Variants in EMC8 observed in about 807,000 individuals in gnomAD.
EMC8 encodes the protein ER membrane protein complex subunit 8.
In EMC8, 11 loss-of-function variants were observed where a neutral mutation model predicts 24.3. That is an observed-to-expected ratio of 0.45 (90% CI 0.28 to 0.75). EMC8 has a LOEUF of 0.75. Among genes scored for constraint, EMC8 ranks in the 30% least tolerant of loss-of-function variants. The pLI is 0.12. For synonymous variants in EMC8, 145 were observed against 117.7 expected, an observed-to-expected ratio of 1.23 and a Z score of -1.50; for missense variants, 277 against 282.7, an observed-to-expected ratio of 0.98 and a Z score of 0.14.
At chr16:85,797,514 T>C (rs1026154242) in intron 1 of EMC8, among the ~76,000 whole-genome samples, 7 of 152,200 alleles carry the variant, frequency 4.6e-5, no homozygotes, top group African/African-American at 1.7e-4. Context: ...CTAAAATACT[T>C]AGTTTTATAA....
At chr16:85,782,736 G>A (rs1009359872) in intron 2 of EMC8, among the ~76,000 whole-genome samples, 1 of 152,018 alleles carries the variant, frequency 6.6e-6, no homozygotes, top group Non-Finnish European at 1.5e-5. Flanking sequence ...ACTGCCTGAT[G>A]GCCCCAAGAC....
intron 1 of EMC8, chr16:85,798,507 A>G (rs561517226): frequency 6.6e-6 from 1 of 152,536 alleles, no homozygotes; most frequent in Admixed American, 6.5e-5. Context: ...CTCTTTACAC[A>G]AAGCTCAGGC....
At chr16:85,783,889 G>T (rs770214508) in intron 2 of EMC8, among the ~76,000 whole-genome samples, 3 of 152,186 alleles carry the variant, frequency 2.0e-5, no homozygotes, top group Non-Finnish European at 4.4e-5. Flanking sequence ...TTTCTAAGAG[G>T]CTCTAACACA....
intron 1 of EMC8, among the ~76,000 whole-genome samples, chr16:85,791,811 C>A (rs1242448073): frequency 3.9e-5 from 6 of 152,184 alleles, no homozygotes; most frequent in Non-Finnish European, 7.3e-5. Flanking sequence ...CCTGCCTCCC[C>A]TTTACAAAGG....
At chr16:85,789,255 C>T (rs1213759400) in intron 1 of EMC8, among the ~76,000 whole-genome samples, 1 of 152,174 alleles carries the variant, frequency 6.6e-6, no homozygotes, top group African/African-American at 2.4e-5. Flanking sequence ...TGACTATCTT[C>T]CTCAGTCCCA....
intron 2 of EMC8, among the ~76,000 whole-genome samples, chr16:85,787,185 G>A (rs1016866651): frequency 6.6e-5 from 10 of 152,278 alleles, no homozygotes; most frequent in East Asian, 1.9e-4. Flanking sequence ...ATGTGGGCAC[G>A]GCCCCAGCCC....
At chr16:85,785,615 G>A (rs1163796613) in intron 2 of EMC8, among the ~76,000 whole-genome samples, 2 of 152,188 alleles carry the variant, frequency 1.3e-5, no homozygotes, top group Non-Finnish European at 2.9e-5. Flanking sequence ...TTAATGAACT[G>A]TCAAAGTATT....
At chr16:85,797,405 T>C (rs1380708091) in intron 1 of EMC8, among the ~76,000 whole-genome samples, 4 of 151,886 alleles carry the variant, frequency 2.6e-5, no homozygotes, top group Admixed American at 2.6e-4. Context: ...CGAAACTCCA[T>C]CTCAAAAAAA....
At chr16:85,795,479 G>A (rs1476813369) in intron 1 of EMC8, among the ~76,000 whole-genome samples, 2 of 152,136 alleles carry the variant, frequency 1.3e-5, no homozygotes, top group Non-Finnish European at 2.9e-5. Context: ...GGGGCGCTAG[G>A]ACCCCACCTT....
intron 3 of EMC8, chr16:85,780,907 C>T (rs912467883): frequency 1.5e-5 from 7 of 479,622 alleles, no homozygotes; most frequent in Non-Finnish European, 2.7e-5. Flanking sequence ...CTGGGCTAAA[C>T]CCCCGCATTT....
intron 1 of EMC8, among the ~76,000 whole-genome samples, chr16:85,789,355 C>G (rs888606547): frequency 3.3e-5 from 5 of 152,166 alleles, no homozygotes; most frequent in African/African-American, 1.2e-4. Flanking sequence ...TTCTCTTATA[C>G]TATAAAGAAC....
rs1270241667 is a variant in EMC8 at position 85,799,122 on chromosome 16, G to T, written c.174C>A (p.Ile58=). ...GAHHTLFVDC[I]PLFHGTLALA... is the part of the protein sequence containing the mutation. ...GGGCCAGGGTGCCGTGGAAGAGGGG[G>T]ATGCAGTCCACGAAGAGGGTGTGGT... The change falls in exon 1 of 5, where the codon ATC becomes ATA. Residue 58 remains isoleucine, a synonymous_variant. Transcript: ENST00000253457. The surrounding 1 kb of genome is among the most constrained non-coding windows in gnomAD (Gnocchi z 4.2). 6.3e-7 allele frequency: 1 copy of T among 1,593,168 alleles called. No individual in the cohort carries two copies.
chr16:85,791,355 GGTTT>G (rs1348379057), intron 1 of EMC8, among the ~76,000 whole-genome samples: 1 of 152,110 alleles, frequency 6.6e-6, no homozygotes, highest in Non-Finnish European at 1.5e-5. Flanking sequence ...AGAATATGCA[GGTTT>G]GTTACATAGG....
intron 2 of EMC8, chr16:85,784,483 G>A (rs1313961095): frequency 6.6e-6 from 1 of 152,202 alleles, no homozygotes; most frequent in Non-Finnish European, 1.5e-5. Flanking sequence ...GTGATGTACT[G>A]ATTATAAATC....
intron 2 of EMC8, 104 bp from the exon 3 acceptor site, chr16:85,781,384 C>A: frequency 1.2e-6 from 1 of 806,842 alleles, no homozygotes; most frequent in Admixed American, 2.0e-5. Flanking sequence ...GACAGAAAGA[C>A]TGGCAGAGCC....
Position 85,779,582 on chromosome 16 carries a change from C to A in EMC8, c.*126G>T. On this transcript the variant is annotated 3_prime_UTR_variant, in exon 5 of 5. Transcript: ENST00000253457. Reference sequence around the variant, plus strand: ...CTGAACATTCTGCCCCCTTTCAAGGCACATGCCACTTCTTAAAACGGTCAG... The same window carrying A: ...CTGAACATTCTGCCCCCTTTCAAGGAACATGCCACTTCTTAAAACGGTCAG... 1 of 965,714 alleles carries A rather than the reference C, an allele frequency of 1.0e-6. No homozygotes were observed. The highest frequency in any genetic ancestry group is 1.6e-6 in the Non-Finnish European group (1 of 631,800). 59.8% of individuals were successfully genotyped at this position (965,714 alleles called of 1,614,324 possible).
At chr16:85,788,898 GA>G in intron 2 of EMC8, 75 bp downstream of exon 2, 1 of 1,053,288 alleles carries the variant, frequency 9.5e-7, no homozygotes, top group Non-Finnish European at 1.5e-6. Flanking sequence ...GTATCTGGCC[GA>G]AAAGCACACG....
At chr16:85,791,918 A>G (rs1905028479) in intron 1 of EMC8, among the ~76,000 whole-genome samples, 2 of 152,220 alleles carry the variant, frequency 1.3e-5, no homozygotes, top group South Asian at 2.1e-4. Flanking sequence ...CTTTTGCTAC[A>G]TAAGGCCTGG....
chr16:85,798,891 T>C, intron 1 of EMC8, 174 bp downstream of exon 1: 1 of 556,566 alleles, frequency 1.8e-6, no homozygotes, highest in Non-Finnish European at 3.2e-6. Flanking sequence ...GGACGCTATT[T>C]ATTCAGCGCC....
Sources: allele counts gnomAD v4.1 joint callset (sites outside exome capture counted in the v4.1 genomes callset), GRCh38; gene constraint gnomAD v4.1.1; non-coding constraint Gnocchi (gnomAD v3.1); transcripts MANE v1.5; gene names NCBI Gene and HGNC (gene_info 2026-07-23, HGNC 2026-07-21).